Variants in ZNF91 observed in about 807,000 individuals in gnomAD.
The protein encoded by ZNF91 is zinc finger protein 91.
Under a neutral mutation model 12.6 loss-of-function variants are expected in ZNF91, and 7 were observed. That is an observed-to-expected ratio of 0.55 (90% CI 0.31 to 1.04). ZNF91 has a LOEUF of 1.04. Ranked by LOEUF, ZNF91 falls within the 50% of genes least tolerant of loss-of-function variation. The pLI is 0.05. For synonymous variants in ZNF91, 453 were observed against 462.6 expected, an observed-to-expected ratio of 0.98 and a Z score of 0.27; for missense variants, 1,217 against 1,385.4, an observed-to-expected ratio of 0.88 and a Z score of 1.93.
rs548092660 is a variant in ZNF91 at position 23,359,966 on chromosome 19, G to A, written c.3013C>T (p.Gln1005Ter). The change falls in exon 4 of 4, where the codon CAA (glutamine) becomes TAA (stop). Residue 1005 changes from glutamine (Q) to a stop codon, truncating the protein, a stop_gained. Transcript: ENST00000300619. LOFTEE classifies it low-confidence loss of function (END_TRUNC). ...KCEECGKAFS[Q>*]SSTLTRHTRM... ...GTATGTCTAGTTAGGGTTGAGGATT[G>A]GCTAAATGCTTTGCCACATTCTTCA... 7.4e-6 allele frequency: 12 copies of A among 1,611,234 alleles called. No homozygotes were observed. In the African/African-American group the frequency reaches 8.0e-5, roughly 11 times the overall value.
chr19:23,338,002 T>C (rs1024596162), downstream of ZNF91: 3 of 152,112 alleles, frequency 2.0e-5, no homozygotes, highest in African/African-American at 7.2e-5. Flanking sequence ...TGTTTCCAAC[T>C]ACATGAAGTA....
downstream of ZNF91, among the ~76,000 whole-genome samples, chr19:23,337,286 T>TTA (rs141495162): frequency 4.9e-3 from 742 of 151,956 alleles, 3 homozygotes; most frequent in African/African-American, 0.015. Context: ...AACATTTGTT[T>TTA]TATATATATA....
At chr19:23,377,678 A>G (rs1020518016) in intron 1 of ZNF91, among the ~76,000 whole-genome samples, 8 of 152,206 alleles carry the variant, frequency 5.3e-5, no homozygotes, top group Non-Finnish European at 1.0e-4. Context: ...ACCATTCTCT[A>G]TCTTAAAGTA....
In ZNF91 at chr19:23,359,507, T is replaced by C. The variant is rs758320768; in HGVS notation, c.3472A>G (p.Ile1158Val). The C allele has an allele frequency of 1.9e-6, 3 of 1,613,636 alleles. No individual in the cohort carries two copies. The highest frequency in any genetic ancestry group is 1.3e-5 in the African/African-American group (1 of 75,002). The change falls in exon 4 of 4, where the codon ATC (isoleucine) becomes GTC (valine). Residue 1158 changes from isoleucine (I) to valine (V), a missense_variant. Ile to Val is a conservative substitution (Grantham distance 29, BLOSUM62 3). Coordinates refer to ENST00000300619, the MANE Select transcript of ZNF91 (RefSeq NM_003430.4). ...ILTNHKKIHT[I>V]TPVIPLLWEA... ...CAAAGTAGTGGGATTACAGGTGTGA[T>C]AGTATGAATTTTCTTATGGTTAGTA... is the stretch of plus-strand genomic sequence containing the variant.
At chr19:23,373,346 T>TTATA (rs200251921) in intron 3 of ZNF91, among the ~76,000 whole-genome samples, 1,539 of 85,340 alleles carry the variant, frequency 0.018, 10 homozygotes, top group Middle Eastern at 0.045. Context: ...TCATGTAATC[T>TTATA]TATATATATA....
chr19:23,371,260 C>T (rs370358509), intron 3 of ZNF91, among the ~76,000 whole-genome samples: 67 of 152,070 alleles, frequency 4.4e-4, no homozygotes, highest in African/African-American at 9.9e-4. Context: ...GCAAGAGAAT[C>T]GCTTGAATCT....
Position 23,358,826 on chromosome 19 carries a change from T to A in ZNF91, c.*577A>T, listed in dbSNP as rs1301591105. 6.0e-6 allele frequency: 1 copy of A among 166,640 alleles called. No homozygotes were observed. Among genetic ancestry groups the A allele is most frequent in the Non-Finnish European group, 1.4e-5 (1 of 72,954 alleles). 10.3% of individuals were successfully genotyped at this position (166,640 alleles called of 1,614,324 possible). ...TGATTTTCTTGATGTTTAGAAAAGTTTGACTTGTCAAAAGCGTTGGCACAT... is the reference window on the plus strand; with the variant it reads ...TGATTTTCTTGATGTTTAGAAAAGTATGACTTGTCAAAAGCGTTGGCACAT... On this transcript the variant is annotated 3_prime_UTR_variant, in exon 4 of 4. Coordinates refer to ENST00000300619, the MANE Select transcript of ZNF91 (RefSeq NM_003430.4).
chr19:23,312,307 G>T (rs1409151949), upstream of ZNF91, among the ~76,000 whole-genome samples: 1 of 152,176 alleles, frequency 6.6e-6, no homozygotes, highest in Non-Finnish European at 1.5e-5. Context: ...GTTTACAGGT[G>T]TCACAATGAC....
At chr19:23,371,049 T>C (rs1261251279) in intron 3 of ZNF91, among the ~76,000 whole-genome samples, 2 of 151,824 alleles carry the variant, frequency 1.3e-5, no homozygotes, top group Non-Finnish European at 2.9e-5. Flanking sequence ...ACATTGAAAG[T>C]GAACTAAGAG....
intron 3 of ZNF91, among the ~76,000 whole-genome samples, chr19:23,369,482 G>A (rs10413471): frequency 0.024 from 3,696 of 152,112 alleles, 131 homozygotes; most frequent in African/African-American, 0.081. Context: ...CCCTCTGCCC[G>A]GCCACCACCC....
In ZNF91 at chr19:23,361,806, T is replaced by G. The variant is rs767664961; in HGVS notation, c.1173A>C (p.Ser391=). Reference sequence around the variant, plus strand: ...GTATTATTTTATGTTTAGTAAGGGTTGAGAGTCGCTTAAAAGCTTTGTCAC... The same window carrying G: ...GTATTATTTTATGTTTAGTAAGGGTGGAGAGTCGCTTAAAAGCTTTGTCAC... ...KECDKAFKRL[S]TLTKHKIIHA... The change falls in exon 4 of 4, where the codon TCA becomes TCC. Residue 391 remains serine (S), a synonymous_variant. Coordinates refer to ENST00000300619, the MANE Select transcript of ZNF91 (RefSeq NM_003430.4). The G allele has an allele frequency of 9.9e-6, 16 of 1,609,218 alleles. No homozygotes were observed. Among genetic ancestry groups the G allele is most frequent in the Non-Finnish European group, 1.3e-5 (15 of 1,176,424 alleles).
intron 1 of ZNF91, among the ~76,000 whole-genome samples, chr19:23,321,323 G>C (rs1168551314): frequency 6.6e-6 from 1 of 152,092 alleles, no homozygotes; most frequent in South Asian, 2.1e-4. Context: ...TTGCACTCAG[G>C]TGACGTAAGT....
Position 23,395,468 on chromosome 19 carries a change from A to T in ZNF91, c.-114T>A. The T allele has an allele frequency of 7.6e-7, 1 of 1,308,938 alleles. No individual in the cohort carries two copies. The highest frequency in any genetic ancestry group is 2.3e-5 in the East Asian group (1 of 42,598). The allele number at this position is 1,308,938 out of a possible 1,614,324, so 81.1% of individuals were successfully genotyped here. A position where few individuals can be genotyped will look rare whatever the true frequency, so the allele number is the denominator to read the frequency against. ...ACCTGGAAACTCCGGCGGCAGCGAG[A>T]GACAAAGGCCCAGCCACATCCCGGA... On this transcript the variant is annotated 5_prime_UTR_variant, in exon 1 of 4. Transcript: ENST00000300619.
At chr19:23,388,379 A>G (rs909464072) in intron 1 of ZNF91, among the ~76,000 whole-genome samples, 1 of 149,482 alleles carries the variant, frequency 6.7e-6, no homozygotes, top group African/African-American at 2.5e-5. Context: ...ACCAAATTGT[A>G]AAATTCATAT....
At chr19:23,376,731 G>A (rs186242290) in intron 1 of ZNF91, among the ~76,000 whole-genome samples, 2 of 152,098 alleles carry the variant, frequency 1.3e-5, no homozygotes, top group East Asian at 3.9e-4. Context: ...AACTCATTAG[G>A]GAGAAAAAAT....
chr19:23,319,691 G>A (rs1362529950), intron 1 of ZNF91, among the ~76,000 whole-genome samples: 2 of 152,160 alleles, frequency 1.3e-5, no homozygotes, highest in African/African-American at 4.8e-5. Flanking sequence ...TTTTGACTGA[G>A]TCTTGAATAC....
At chr19:23,371,239 T>G (rs961972256) in intron 3 of ZNF91, among the ~76,000 whole-genome samples, 1 of 151,842 alleles carries the variant, frequency 6.6e-6, no homozygotes, top group East Asian at 1.9e-4. Flanking sequence ...CCAGGTACAT[T>G]AGAGGCTGAG....
chr19:23,370,905 T>C (rs181111436), intron 3 of ZNF91, among the ~76,000 whole-genome samples: 2 of 152,320 alleles, frequency 1.3e-5, no homozygotes, highest in East Asian at 1.9e-4. Flanking sequence ...AAATAAAGAA[T>C]TATAAATTTT....
chr19:23,316,819 C>T (rs1346374388), intron 1 of ZNF91, among the ~76,000 whole-genome samples: 1 of 152,118 alleles, frequency 6.6e-6, no homozygotes, highest in African/African-American at 2.4e-5. Flanking sequence ...TAGTGTGGAA[C>T]AGAATGCCAT....
Sources: allele counts gnomAD v4.1 joint callset (sites outside exome capture counted in the v4.1 genomes callset), GRCh38; gene constraint gnomAD v4.1.1; transcripts MANE v1.5; gene names NCBI Gene and HGNC (gene_info 2026-07-23, HGNC 2026-07-21).